Variants in LDLRAD3 observed in about 807,000 individuals in gnomAD.
The protein encoded by LDLRAD3 is low-density lipoprotein receptor class A domain-containing protein 3.
Under a neutral mutation model 29.4 loss-of-function variants are expected in LDLRAD3, and 20 were observed. The ratio of observed to expected loss-of-function variants is 0.68; its 90% confidence interval spans 0.48 to 0.99. LDLRAD3 has a LOEUF of 0.99. Among genes scored for constraint, LDLRAD3 ranks in the 50% least tolerant of loss-of-function variants. The pLI is 0.00. For synonymous variants in LDLRAD3, 157 were observed against 192.7 expected (o/e 0.81, Z 1.53); for missense variants, 420 against 454.3 (o/e 0.92, Z 0.69).
At chr11:36,151,164 A>G (rs971714444) in intron 4 of LDLRAD3, among the ~76,000 whole-genome samples, 4 of 152,136 alleles carry the variant, frequency 2.6e-5, no homozygotes, top group Non-Finnish European at 4.4e-5. Context: ...TGTAATTCAC[A>G]TGGTGCTGTT....
chr11:36,044,772 A>G (rs1466438648), intron 2 of LDLRAD3, among the ~76,000 whole-genome samples: 2 of 152,232 alleles, frequency 1.3e-5, no homozygotes, highest in Admixed American at 6.5e-5. Flanking sequence ...GTTGCAGGGA[A>G]GGAAGCTTGG....
intron 4 of LDLRAD3, among the ~76,000 whole-genome samples, chr11:36,141,217 A>G (rs1854082291): frequency 6.6e-6 from 1 of 152,180 alleles, no homozygotes; most frequent in Admixed American, 6.5e-5. Flanking sequence ...TTTATTTAAT[A>G]AGAATAATCA....
At chr11:36,205,352 G>C (rs759542172) in intron 4 of LDLRAD3, among the ~76,000 whole-genome samples, 3 of 152,144 alleles carry the variant, frequency 2.0e-5, no homozygotes, top group Admixed American at 6.5e-5. Context: ...TCTGCGTCTT[G>C]AAAAGTGAAT....
rs187380839 is a variant in LDLRAD3 at position 36,142,658 on chromosome 11, C to G, written c.454+44197C>G. ...CCAGGTGGGAGGGGCAGTGGTGCAC[C>G]CGGTGCAGCCGGTGAAGTGAGACTC... On this transcript the variant is annotated intron_variant, in intron 4 of 5. Transcript: ENST00000315571. Among the ~76,000 whole-genome samples the G allele has an allele frequency of 6.9e-3, 1,046 of 152,112 alleles. 14 individuals carry two copies. Among genetic ancestry groups the G allele is most frequent in the Non-Finnish European group, 8.3e-3 (563 of 67,972 alleles).
At chr11:35,983,995 A>C (rs1851577349) in intron 1 of LDLRAD3, among the ~76,000 whole-genome samples, 1 of 152,218 alleles carries the variant, frequency 6.6e-6, no homozygotes, top group South Asian at 2.1e-4. Context: ...ATAAGAAGAA[A>C]AAGTTTGCTA....
At chr11:35,955,010 C>T (rs766831169) in intron 1 of LDLRAD3, among the ~76,000 whole-genome samples, 1 of 152,146 alleles carries the variant, frequency 6.6e-6, no homozygotes, top group African/African-American at 2.4e-5. Context: ...CTTGGGAGGC[C>T]GAGGCGGGCA....
chr11:36,073,039 G>A (rs1852933663), intron 2 of LDLRAD3, among the ~76,000 whole-genome samples: 1 of 152,194 alleles, frequency 6.6e-6, no homozygotes, highest in South Asian at 2.1e-4. Context: ...TATTTCGGAT[G>A]CTAAGGCAGC....
chr11:36,146,850 C>T (rs1022460537), intron 4 of LDLRAD3, among the ~76,000 whole-genome samples: 3 of 139,408 alleles, frequency 2.2e-5, no homozygotes, highest in East Asian at 2.1e-4. Context: ...AGTACAGTGG[C>T]GTGGTTTTGG....
At chr11:36,156,500 G>T (rs1302390423) in intron 4 of LDLRAD3, among the ~76,000 whole-genome samples, 1 of 152,182 alleles carries the variant, frequency 6.6e-6, no homozygotes, top group Non-Finnish European at 1.5e-5. Flanking sequence ...CCAAGGCAGT[G>T]CTGTCTCACT....
At chr11:36,054,548 C>T (rs567667443) in intron 2 of LDLRAD3, among the ~76,000 whole-genome samples, 2 of 152,354 alleles carry the variant, frequency 1.3e-5, no homozygotes, top group South Asian at 4.1e-4. Flanking sequence ...CTGGCATCTT[C>T]CCAGAGATGC....
In LDLRAD3 at chr11:35,944,527, T is replaced by G. The variant is rs1248337385; in HGVS notation, c.46+383T>G. Among the ~76,000 whole-genome samples the G allele has an allele frequency of 1.3e-5, 2 of 152,106 alleles. No homozygotes were observed. Among genetic ancestry groups the G allele is most frequent in the Non-Finnish European group, 2.9e-5 (2 of 67,988 alleles). Reference sequence around the variant, plus strand: ...GAGAGGAGAGGAGAGAACTCTTCCCTGGTCTCATCTTCCCAGACGCCTGGT... The same window carrying G: ...GAGAGGAGAGGAGAGAACTCTTCCCGGGTCTCATCTTCCCAGACGCCTGGT... On this transcript the variant is annotated intron_variant, in intron 1 of 5. Coordinates refer to ENST00000315571, the MANE Select transcript of LDLRAD3 (RefSeq NM_174902.4). This position sits in a 1 kb window ranked among gnomAD's most constrained non-coding sequence, Gnocchi z 4.9.
At chr11:35,961,768 G>T (rs1191609246) in intron 1 of LDLRAD3, among the ~76,000 whole-genome samples, 3 of 152,184 alleles carry the variant, frequency 2.0e-5, no homozygotes, top group Non-Finnish European at 4.4e-5. Context: ...AAATTTTTGT[G>T]TGTACAGAGT....
intron 1 of LDLRAD3, among the ~76,000 whole-genome samples, chr11:35,982,174 G>C (rs573217590): frequency 4.6e-5 from 7 of 152,318 alleles, no homozygotes; most frequent in African/African-American, 1.4e-4. Flanking sequence ...CTACATCAAA[G>C]TGTCTGCAGG....
intron 4 of LDLRAD3, among the ~76,000 whole-genome samples, chr11:36,166,807 T>C (rs1371834528): frequency 1.3e-5 from 2 of 152,162 alleles, no homozygotes; most frequent in Non-Finnish European, 2.9e-5. Context: ...ATTCAGTAGG[T>C]CCAGGATGGG....
intron 4 of LDLRAD3, among the ~76,000 whole-genome samples, chr11:36,174,606 A>G (rs1261607392): frequency 2.0e-5 from 3 of 152,372 alleles, no homozygotes; most frequent in Middle Eastern, 6.8e-3. Flanking sequence ...CAACAGACAC[A>G]TGAAAAAATG....
At chr11:36,217,293 TCCCA>T (rs1855366085) in intron 4 of LDLRAD3, among the ~76,000 whole-genome samples, 1 of 152,148 alleles carries the variant, frequency 6.6e-6, no homozygotes, top group Non-Finnish European at 1.5e-5. Context: ...CTGTTGTATT[TCCCA>T]GATTGTGGTG....
chr11:36,180,884 T>C (rs535238895), intron 4 of LDLRAD3, among the ~76,000 whole-genome samples: 7 of 151,900 alleles, frequency 4.6e-5, no homozygotes, highest in African/African-American at 1.7e-4. Flanking sequence ...TGATGTAGAG[T>C]GTGAGAGAAT....
intron 2 of LDLRAD3, among the ~76,000 whole-genome samples, chr11:36,037,318 C>A (rs941997413): frequency 8.0e-5 from 12 of 150,252 alleles, no homozygotes; most frequent in Non-Finnish European, 1.8e-4. Flanking sequence ...ATCATTTGAA[C>A]TTTTTTTTTT....
chr11:36,123,808 C>T (rs1009262813), intron 4 of LDLRAD3, among the ~76,000 whole-genome samples: 14 of 152,194 alleles, frequency 9.2e-5, no homozygotes, highest in Admixed American at 4.6e-4. Context: ...GCCAACCACC[C>T]GGACTCCTAA....
Sources: allele counts gnomAD v4.1 joint callset (sites outside exome capture counted in the v4.1 genomes callset), GRCh38; gene constraint gnomAD v4.1.1; non-coding constraint Gnocchi (gnomAD v3.1); transcripts MANE v1.5; gene names NCBI Gene and HGNC (gene_info 2026-07-23, HGNC 2026-07-21).